BBS9: variants seen among roughly 807,000 people sequenced by gnomAD.
BBS9 encodes Bardet-Biedl syndrome 9, also known as protein PTHB1.
BBS9 carries 89 observed loss-of-function variants against 117.7 expected under a neutral mutation model. The ratio of observed to expected loss-of-function variants is 0.76; its 90% CI spans 0.64 to 0.90. BBS9 has a LOEUF of 0.90. BBS9 is among the 40% of genes least tolerant of loss of function. The probability of loss-of-function intolerance (pLI) is 0.00; values close to 1 mark genes in which losing one functional copy is unlikely to be tolerated. For missense variants in BBS9, 982 were observed against 1,042.2 expected (o/e 0.94, Z 0.80); for synonymous variants, 379 against 370.9 (o/e 1.02, Z -0.25).
At chr7:33,534,978 C>T (rs967987497) in intron 21 of BBS9, among the ~76,000 whole-genome samples, 13 of 152,170 alleles carry the variant, frequency 8.5e-5, no homozygotes, top group South Asian at 2.1e-4. Context: ...TTCTTACATG[C>T]CTTTTCTTTA....
chr7:33,620,033 AT>A (rs1490556976), intron 21 of BBS9, among the ~76,000 whole-genome samples: 4 of 152,112 alleles, frequency 2.6e-5, no homozygotes, highest in African/African-American at 9.6e-5. Context: ...TAGAAAAATA[AT>A]AGAAAAGATC....
intron 5 of BBS9, among the ~76,000 whole-genome samples, chr7:33,235,625 C>T (rs1420157): frequency 0.99 from 151,396 of 152,306 alleles, 75,245 homozygotes; most frequent in East Asian, 1. Flanking sequence ...GGAATAACAT[C>T]AAATTAAGTT....
At chr7:33,535,577 A>G (rs1851239413) in intron 21 of BBS9, among the ~76,000 whole-genome samples, 1 of 151,750 alleles carries the variant, frequency 6.6e-6, no homozygotes, top group South Asian at 2.1e-4. Flanking sequence ...TTCATTTAGA[A>G]CCTCTTTATC....
chr7:33,231,428 C>CTTTTTTTTTTTTTTTTTTTTTT lies in BBS9; in HGVS notation c.443-25791_443-25790insTTTTTTTTTTTTTTTTTTTTTT, dbSNP rs35407590. 1.0e-3 allele frequency among the ~76,000 whole-genome samples: 109 copies of CTTTTTTTTTTTTTTTTTTTTTT among 106,354 alleles called. 1 individual carries two copies. Among genetic ancestry groups the CTTTTTTTTTTTTTTTTTTTTTT allele is most frequent in the African/African-American group, 1.8e-3 (52 of 28,148 alleles). 69.8% of individuals were successfully genotyped at this position (106,354 alleles called of 152,430 possible). On this transcript the variant is annotated intron_variant, in intron 5 of 22. Coordinates refer to ENST00000242067, the MANE Select transcript of BBS9 (RefSeq NM_198428.3). Reference sequence around the variant, plus strand: ...TATTCTGTTCCTCTGGCCTATGTGTCTTTTTTTTTTTTTTTTTGCCAGGAC... The same window carrying CTTTTTTTTTTTTTTTTTTTTTT: ...TATTCTGTTCCTCTGGCCTATGTGTCTTTTTTTTTTTTTTTTTTTTTTTTTTTTTTTTTTTTTTTGCCAGGAC...
rs151208392 is a variant in BBS9 at position 33,485,153 on chromosome 7, C to T, written c.2116-20310C>T. Among the ~76,000 whole-genome samples, 78 of 151,986 alleles carry T rather than the reference C, an allele frequency of 5.1e-4. No individual in the cohort carries two copies. In the East Asian group the frequency reaches 0.013, roughly 24 times the overall value. ...ACACTGGGACCTGTCGTGGGGATAG[C>T]GGAGGGAGAGAATCAGGAAGAACAG... is the stretch of plus-strand genomic sequence containing the variant. On this transcript the variant is annotated intron_variant, in intron 19 of 22. Transcript: ENST00000242067.
chr7:33,156,314 A>C (rs1794084967), intron 4 of BBS9, among the ~76,000 whole-genome samples: 1 of 152,096 alleles, frequency 6.6e-6, no homozygotes, highest in African/African-American at 2.4e-5. Context: ...TTTTTATTTC[A>C]ATTATTAGAT....
intron 19 of BBS9, among the ~76,000 whole-genome samples, chr7:33,416,964 A>G (rs1244051235): frequency 6.6e-6 from 1 of 152,206 alleles, no homozygotes; most frequent in Non-Finnish European, 1.5e-5. Context: ...CTCAATAGAT[A>G]TTTATTAGGG....
intron 7 of BBS9, among the ~76,000 whole-genome samples, chr7:33,269,089 A>G (rs1426118281): frequency 2.6e-5 from 4 of 152,200 alleles, no homozygotes; most frequent in African/African-American, 9.6e-5. Context: ...CCTTCTACAG[A>G]TTGATCTTAT....
chr7:33,423,092 G>T (rs1833104325), intron 19 of BBS9, among the ~76,000 whole-genome samples: 1 of 152,176 alleles, frequency 6.6e-6, no homozygotes. Flanking sequence ...ACACTTTGCT[G>T]ATTTAGGAGG....
At chr7:33,158,402 C>T (rs1407590528) in intron 4 of BBS9, among the ~76,000 whole-genome samples, 1 of 152,104 alleles carries the variant, frequency 6.6e-6, no homozygotes, top group Non-Finnish European at 1.5e-5. Flanking sequence ...GTCCATATAT[C>T]CCAGGGCAAA....
intron 19 of BBS9, among the ~76,000 whole-genome samples, chr7:33,496,171 G>T (rs1844676245): frequency 6.6e-6 from 1 of 152,054 alleles, no homozygotes; most frequent in Non-Finnish European, 1.5e-5. Context: ...GTACACTTTT[G>T]CAGTTGCCTT....
intron 9 of BBS9, among the ~76,000 whole-genome samples, chr7:33,294,838 G>T (rs1204349312): frequency 2.6e-5 from 4 of 152,150 alleles, no homozygotes; most frequent in African/African-American, 7.2e-5. Context: ...AAAAATGTAA[G>T]TTATGCTATG....
chr7:33,177,417 A>G, intron 4 of BBS9, 61 bp from the exon 5 acceptor site: 1 of 1,130,866 alleles, frequency 8.8e-7, no homozygotes, highest in Non-Finnish European at 1.3e-6. Context: ...AGTGGATGAG[A>G]ACAAATTAAT....
In BBS9 at chr7:33,479,446, GT is replaced by G. The variant is rs371658807; in HGVS notation, c.2116-26010del. Among the ~76,000 whole-genome samples, 204 of 152,074 alleles carry G rather than the reference GT, an allele frequency of 1.3e-3. 2 individuals are homozygous for G. The highest frequency in any genetic ancestry group is 4.5e-3 in the African/African-American group (185 of 41,502). ...TTGCTGCCAAGGACATTATTTTATTGTTTTTTTATGGCTGCATAGTATTCCA... is the reference window on the plus strand; with the variant it reads ...TTGCTGCCAAGGACATTATTTTATTGTTTTTTATGGCTGCATAGTATTCCA... On this transcript the variant is annotated intron_variant, in intron 19 of 22. Coordinates refer to ENST00000242067, the MANE Select transcript of BBS9 (RefSeq NM_198428.3).
intron 5 of BBS9, among the ~76,000 whole-genome samples, chr7:33,235,991 A>C (rs931370144): frequency 8.5e-5 from 13 of 152,190 alleles, no homozygotes; most frequent in African/African-American, 3.1e-4. Flanking sequence ...CTACTTTAAG[A>C]AGTATTTTTC....
chr7:33,231,053 T>C (rs1478678005), intron 5 of BBS9, among the ~76,000 whole-genome samples: 1 of 152,176 alleles, frequency 6.6e-6, no homozygotes, highest in Non-Finnish European at 1.5e-5. Flanking sequence ...AGTACAAGTG[T>C]TCCCTTTTCA....
intron 4 of BBS9, among the ~76,000 whole-genome samples, chr7:33,164,117 C>T (rs995677430): frequency 1.3e-5 from 2 of 152,152 alleles, no homozygotes; most frequent in Non-Finnish European, 2.9e-5. Context: ...GCAGGTTGTT[C>T]AGTTTCCATG....
chr7:33,210,541 A>AT (rs1787810315), intron 5 of BBS9, among the ~76,000 whole-genome samples: 1 of 151,610 alleles, frequency 6.6e-6, no homozygotes, highest in South Asian at 2.1e-4. Context: ...AGTGATATGT[A>AT]TTTTTTTCTT....
At chr7:33,497,483 T>A (rs1844894032) in intron 19 of BBS9, among the ~76,000 whole-genome samples, 1 of 152,168 alleles carries the variant, frequency 6.6e-6, no homozygotes, top group Non-Finnish European at 1.5e-5. Context: ...CTTTTTGAGC[T>A]TGAGTTTTGA....
Sources: gnomAD v4.1 joint callset for allele counts (sites outside exome capture counted in the v4.1 genomes callset) on GRCh38, gnomAD v4.1.1 for gene constraint, MANE v1.5 for transcripts, NCBI Gene and HGNC (gene_info 2026-07-23, HGNC 2026-07-21) for gene names.